BEND5: variants seen among roughly 807,000 people sequenced by gnomAD.
BEND5 encodes BEN domain-containing protein 5.
Under a neutral mutation model 43.9 loss-of-function variants are expected in BEND5, and 22 were observed. The observed-to-expected ratio is 0.50, with a 90% confidence interval of 0.36 to 0.72. The LOEUF is 0.72. BEND5 is among the 30% of genes least tolerant of loss of function. BEND5 has a pLI of 0.00. For missense variants in BEND5, 428 were observed against 550.6 expected, an observed-to-expected ratio of 0.78 and a Z score of 2.23; for synonymous variants, 228 against 225.9, an observed-to-expected ratio of 1.01 and a Z score of -0.08.
At chr1:48,743,972 CA>C (rs1456687146) in intron 3 of BEND5, among the ~76,000 whole-genome samples, 3 of 152,168 alleles carry the variant, frequency 2.0e-5, no homozygotes, top group African/African-American at 7.2e-5. Flanking sequence ...GAAACTTGCA[CA>C]AAGCTGAATG....
intron 3 of BEND5, among the ~76,000 whole-genome samples, chr1:48,750,419 C>T (rs1036444339): frequency 1.3e-5 from 2 of 152,170 alleles, no homozygotes; most frequent in East Asian, 3.9e-4. Flanking sequence ...TTAGGCTCTC[C>T]TGTTGCCTGA....
At chr1:48,752,216 T>C (rs1651855745) in intron 3 of BEND5, among the ~76,000 whole-genome samples, 1 of 152,142 alleles carries the variant, frequency 6.6e-6, no homozygotes, top group South Asian at 2.1e-4. Flanking sequence ...AACTTTTTTA[T>C]AGTACTCCTG....
At chr1:48,773,712 G>A (rs1045421376) in intron 1 of BEND5, among the ~76,000 whole-genome samples, 1 of 152,332 alleles carries the variant, frequency 6.6e-6, no homozygotes, top group Non-Finnish European at 1.5e-5. Flanking sequence ...GTGGGGGCCT[G>A]GCACTGGAAG....
At chr1:48,774,060 GC>G (rs1319920884) in intron 1 of BEND5, among the ~76,000 whole-genome samples, 1 of 152,228 alleles carries the variant, frequency 6.6e-6, no homozygotes, top group Non-Finnish European at 1.5e-5. Flanking sequence ...GCTGGCTTGG[GC>G]CAACACTCAG....
chr1:48,732,808 G>A (rs1278467709), intron 5 of BEND5, among the ~76,000 whole-genome samples: 1 of 152,144 alleles, frequency 6.6e-6, no homozygotes, highest in East Asian at 1.9e-4. Flanking sequence ...GAAGTGAGGA[G>A]AGAAGCTGAG....
chr1:48,750,910 G>A (rs549973684), intron 3 of BEND5, among the ~76,000 whole-genome samples: 1 of 152,158 alleles, frequency 6.6e-6, no homozygotes. Context: ...CCCACACTCA[G>A]AGTACCCCCT....
intron 1 of BEND5, 49 bp downstream of exon 1, chr1:48,776,557 T>TGC: frequency 9.4e-7 from 1 of 1,068,328 alleles, no homozygotes; most frequent in Non-Finnish European, 1.2e-6. Flanking sequence ...CCTCCCGGGG[T>TGC]CCCAGCCCCC....
intron 5 of BEND5, among the ~76,000 whole-genome samples, chr1:48,734,332 C>T (rs923644402): frequency 1.3e-5 from 2 of 152,156 alleles, no homozygotes; most frequent in African/African-American, 4.8e-5. Context: ...TGTCCTGCCA[C>T]CTTGAACTCC....
chr1:48,776,116 C>A (rs1164279519), intron 1 of BEND5, among the ~76,000 whole-genome samples: 1 of 152,146 alleles, frequency 6.6e-6, no homozygotes, highest in Non-Finnish European at 1.5e-5. Context: ...CCTAGAAGAT[C>A]TGACAATATC....
At chr1:48,772,891 C>T (rs758375604) in intron 1 of BEND5, among the ~76,000 whole-genome samples, 4 of 152,136 alleles carry the variant, frequency 2.6e-5, no homozygotes, top group Non-Finnish European at 5.9e-5. Context: ...CAGTGCCTGG[C>T]TTCTACCTTT....
In BEND5 at chr1:48,759,165, G is replaced by A. The variant is rs768848202; in HGVS notation, c.480C>T (p.Phe160=). Residue 160 remains phenylalanine (F), a synonymous_variant, in exon 3 of 6, where the codon TTC becomes TTT. Coordinates refer to ENST00000371833, the MANE Select transcript of BEND5 (RefSeq NM_024603.4). The part of the protein sequence containing the change: ...LGHSTCPEEV[F]VEASPGTEDM... Reference sequence around the variant, plus strand: ...CCTCTGTGCCTGGCGAGGCCTCCACGAAGACCTCTTCCGGACACGTGCTAT... The same window carrying A: ...CCTCTGTGCCTGGCGAGGCCTCCACAAAGACCTCTTCCGGACACGTGCTAT... The A allele has an allele frequency of 1.8e-5, 29 of 1,614,046 alleles. No homozygotes were observed. The highest frequency in any genetic ancestry group is 4.4e-5 in the South Asian group (4 of 91,078).
chr1:48,762,898 T>C (rs1199293442), intron 1 of BEND5, among the ~76,000 whole-genome samples: 2 of 151,992 alleles, frequency 1.3e-5, no homozygotes, highest in African/African-American at 4.8e-5. Flanking sequence ...TGAGGACAGG[T>C]AGGTAAGGGC....
rs1644114429 is a variant in BEND5, at chr1:48,759,094, T to C, written c.551A>G (p.Glu184Gly). ...CTGCTGGTAGTTGCGCAGCAGCTCC[T>C]CATACAGAGCCCGGGGCACCACAGC... is the stretch of plus-strand genomic sequence containing the variant. ...EDAVVPRALY[E>G]ELLRNYQQQQ... The change falls in exon 3 of 6, where the codon GAG (glutamate) becomes GGG (glycine). Residue 184 changes from glutamate (E) to glycine (G), a missense_variant. Glu to Gly is a moderately conservative substitution (Grantham distance 98). Transcript: ENST00000371833. 6.2e-7 allele frequency: 1 copy of C among 1,612,310 alleles called. No individual in the cohort carries two copies. Among genetic ancestry groups the C allele is most frequent in the African/African-American group, 1.3e-5 (1 of 75,018 alleles).
At chr1:48,762,838 A>G (rs911338229) in intron 1 of BEND5, among the ~76,000 whole-genome samples, 11 of 152,118 alleles carry the variant, frequency 7.2e-5, no homozygotes, top group Non-Finnish European at 4.4e-5. Context: ...CAGAGGTAGG[A>G]GTCTAGTATC....
chr1:48,755,483 T>C (rs1262645926), intron 3 of BEND5, among the ~76,000 whole-genome samples: 2 of 152,132 alleles, frequency 1.3e-5, no homozygotes, highest in African/African-American at 2.4e-5. Context: ...TACTCAAGGA[T>C]ATGCCTCCAG....
At chr1:48,759,588 AC>A (rs377250325) in intron 2 of BEND5, among the ~76,000 whole-genome samples, 6 of 152,038 alleles carry the variant, frequency 3.9e-5, no homozygotes, top group African/African-American at 1.4e-4. Flanking sequence ...TACCATGACC[AC>A]CCTTCCCAAC....
At chr1:48,763,719 G>A (rs537398860) in intron 1 of BEND5, among the ~76,000 whole-genome samples, 6 of 152,208 alleles carry the variant, frequency 3.9e-5, no homozygotes, top group African/African-American at 1.2e-4. Flanking sequence ...GCAATCGTTC[G>A]GACTCACAAA....
Position 48,758,947 on chromosome 1 carries a change from T to C in BEND5, c.698A>G (p.Asp233Gly). ...ALVSEMKELRDLNRRLQDVLL... is the reference protein window; with the variant it reads ...ALVSEMKELRGLNRRLQDVLL... ...CACGTCCTGGAGCCTCCGGTTAAGG[T>C]CACGGAGCTCCTTCATTTCAGACAC... The change falls in exon 3 of 6, where the codon GAC becomes GGC. Residue 233 changes from aspartate to glycine, a missense_variant. Transcript: ENST00000371833. 1 of 1,593,504 alleles carries C rather than the reference T, an allele frequency of 6.3e-7. No homozygotes were observed. Among genetic ancestry groups the C allele is most frequent in the South Asian group, 1.1e-5 (1 of 87,748 alleles).
intron 3 of BEND5, among the ~76,000 whole-genome samples, chr1:48,752,920 T>G (rs1651976664): frequency 6.6e-6 from 1 of 152,180 alleles, no homozygotes; most frequent in African/African-American, 2.4e-5. Flanking sequence ...CAGCTAATTT[T>G]TGTATTTTTA....
Sources: allele counts gnomAD v4.1 joint callset (sites outside exome capture counted in the v4.1 genomes callset), GRCh38; gene constraint gnomAD v4.1.1; transcripts MANE v1.5; gene names NCBI Gene and HGNC (gene_info 2026-07-23, HGNC 2026-07-21).